Variants in DACH2 observed in about 807,000 individuals in gnomAD.
DACH2 encodes dachshund family transcription factor 2.
A neutral mutation model predicts 35.8 loss-of-function variants in DACH2; 17 were observed. The observed-to-expected ratio is 0.48, with a 90% CI of 0.33 to 0.71. DACH2 has a LOEUF of 0.71. Among genes scored for constraint, DACH2 ranks in the 30% least tolerant of loss-of-function variants. The pLI is 0.02. For missense variants in DACH2, 469 were observed against 472.7 expected (o/e 0.99, Z 0.07); for synonymous variants, 195 against 177.3 (o/e 1.10, Z -0.79).
intron 1 of DACH2, among the ~76,000 whole-genome samples, chrX:86,250,234 G>C (rs896069469): frequency 9.0e-6 from 1 of 111,650 alleles, no homozygotes; most frequent in African/African-American, 3.2e-5. Context: ...AAAACTCACT[G>C]TGAATACTGT....
At chrX:86,229,784 A>G (rs1182233794) in intron 1 of DACH2, among the ~76,000 whole-genome samples, 3 of 108,282 alleles carry the variant, frequency 2.8e-5, no homozygotes, top group Non-Finnish European at 5.7e-5. Flanking sequence ...TTGTTGGTAT[A>G]TAGAAGAGCT....
chrX:86,394,012 T>A (rs919589867), intron 2 of DACH2, among the ~76,000 whole-genome samples: 15 of 109,085 alleles, frequency 1.4e-4, no homozygotes, highest in African/African-American at 5.0e-4. Flanking sequence ...CTCTGCATTT[T>A]GAAATTATAC....
At chrX:86,632,059 A>G (rs148681676) in intron 3 of DACH2, among the ~76,000 whole-genome samples, 4 of 112,177 alleles carry the variant, frequency 3.6e-5, no homozygotes, top group Admixed American at 9.5e-5. Context: ...CATTTTGCAC[A>G]TGAATAAACT....
chrX:86,747,361 C>A (rs1481250626), intron 7 of DACH2, among the ~76,000 whole-genome samples: 1 of 111,465 alleles, frequency 9.0e-6, no homozygotes, highest in Admixed American at 9.6e-5. Context: ...TCTTCAATTT[C>A]TTCCAGCAAT....
intron 7 of DACH2, among the ~76,000 whole-genome samples, chrX:86,782,609 A>G (rs1184482048): frequency 8.9e-6 from 1 of 111,890 alleles, no homozygotes; most frequent in Non-Finnish European, 1.9e-5. Context: ...TCACACACCT[A>G]CAGCCAATTT....
intron 2 of DACH2, among the ~76,000 whole-genome samples, chrX:86,498,870 A>G (rs759362602): frequency 1.8e-5 from 2 of 112,008 alleles, no homozygotes; most frequent in Admixed American, 9.5e-5. Context: ...TAATTTAAGT[A>G]AAATAAGTTT....
intron 7 of DACH2, among the ~76,000 whole-genome samples, chrX:86,789,688 G>A (rs1051177408): frequency 8.9e-6 from 1 of 111,792 alleles, no homozygotes; most frequent in African/African-American, 3.2e-5. Flanking sequence ...CAAAGTATAA[G>A]ATATGGCCAT....
chrX:86,332,470 A>G (rs1004651158), intron 1 of DACH2, among the ~76,000 whole-genome samples: 3 of 111,930 alleles, frequency 2.7e-5, no homozygotes, highest in African/African-American at 9.7e-5. Context: ...GGTCTTTACC[A>G]TTGAACTCAA....
intron 7 of DACH2, among the ~76,000 whole-genome samples, chrX:86,808,360 C>T (rs2042364223): frequency 8.9e-6 from 1 of 111,987 alleles, no homozygotes; most frequent in Admixed American, 9.5e-5. Flanking sequence ...GTGTCACTTT[C>T]TCAGGCTGGT....
intron 2 of DACH2, among the ~76,000 whole-genome samples, chrX:86,498,731 T>G (rs1237974521): frequency 8.9e-6 from 1 of 112,364 alleles, no homozygotes; most frequent in Non-Finnish European, 1.9e-5. Context: ...TAATGAAATA[T>G]CAAATTATGT....
intron 3 of DACH2, among the ~76,000 whole-genome samples, chrX:86,588,190 C>T (rs2039599596): frequency 9.1e-6 from 1 of 110,232 alleles, no homozygotes; most frequent in African/African-American, 3.3e-5. Context: ...GGGGTGCAGC[C>T]TTTTTTCTAG....
At chrX:86,826,970 G>C (rs2042567890) in intron 11 of DACH2, among the ~76,000 whole-genome samples, 1 of 111,805 alleles carries the variant, frequency 8.9e-6, no homozygotes, top group Non-Finnish European at 1.9e-5. Context: ...GAATAGCTTA[G>C]CTACCTCAAA....
At chrX:86,566,719 T>TTCA (rs58642717) in intron 3 of DACH2, among the ~76,000 whole-genome samples, 31,867 of 108,873 alleles carry the variant, frequency 0.29, 4,340 homozygotes, top group Middle Eastern at 0.45. Flanking sequence ...GCAAGTGTAC[T>TTCA]TCATCATCAT....
intron 1 of DACH2, among the ~76,000 whole-genome samples, chrX:86,202,249 TG>T (rs1421177032): frequency 9.0e-6 from 1 of 111,100 alleles, no homozygotes; most frequent in Non-Finnish European, 1.9e-5. Flanking sequence ...GGGGATTAAG[TG>T]GGAATGGCAG....
At chrX:86,266,565 T>G (rs1483208027) in intron 1 of DACH2, among the ~76,000 whole-genome samples, 1 of 111,841 alleles carries the variant, frequency 8.9e-6, no homozygotes, top group Admixed American at 9.5e-5. Context: ...ATGCAACATA[T>G]TGCATGCAAA....
intron 2 of DACH2, among the ~76,000 whole-genome samples, chrX:86,403,237 G>A (rs1165442626): frequency 1.8e-5 from 2 of 111,989 alleles, no homozygotes; most frequent in East Asian, 5.6e-4. Flanking sequence ...TTTCATCAGA[G>A]TAAACAGGCA....
At position 86,148,826 on chromosome X, in the gene DACH2, G is replaced by A. The variant is rs2030254189; in HGVS notation, c.206G>A (p.Arg69His). 1.5e-5 allele frequency: 18 copies of A among 1,211,673 alleles called. No homozygotes were observed. The highest frequency in any genetic ancestry group is 1.9e-5 in the Non-Finnish European group (17 of 895,521). ...GRGNTNTNEC[R>H]MVDMHGMKVA... is the part of the protein sequence containing the mutation. Reference sequence around the variant, plus strand: ...GGCAACACCAACACCAACGAGTGCCGCATGGTCGACATGCACGGGATGAAG... The same window carrying A: ...GGCAACACCAACACCAACGAGTGCCACATGGTCGACATGCACGGGATGAAG... The change falls in exon 1 of 12, where the codon CGC becomes CAC. Residue 69 changes from arginine to histidine, a missense_variant. Coordinates refer to ENST00000373125, the MANE Select transcript of DACH2 (RefSeq NM_053281.3).
At chrX:86,806,822 T>C (rs1258654751) in intron 7 of DACH2, among the ~76,000 whole-genome samples, 5 of 111,924 alleles carry the variant, frequency 4.5e-5, no homozygotes, top group East Asian at 2.8e-4. Flanking sequence ...TGTCCTTTCA[T>C]TGAGATTTTC....
intron 4 of DACH2, among the ~76,000 whole-genome samples, chrX:86,657,552 A>T (rs1444494857): frequency 1.8e-5 from 2 of 111,284 alleles, no homozygotes; most frequent in Non-Finnish European, 3.8e-5. Context: ...ATTTGTTTTA[A>T]TAGGACACTA....
Sources: gnomAD v4.1 joint callset for allele counts (sites outside exome capture counted in the v4.1 genomes callset) on GRCh38, gnomAD v4.1.1 for gene constraint, MANE v1.5 for transcripts, NCBI Gene and HGNC (gene_info 2026-07-23, HGNC 2026-07-21) for gene names.